Variants in TMEFF2 observed in about 807,000 individuals in gnomAD.
TMEFF2 encodes the protein tomoregulin-2.
TMEFF2 carries 28 observed loss-of-function variants against 53.8 expected under a neutral mutation model. The observed-to-expected ratio is 0.52, with a 90% CI of 0.39 to 0.71. TMEFF2 has a LOEUF of 0.71. TMEFF2 is among the 30% of genes least tolerant of loss of function. TMEFF2 has a pLI of 0.00. For synonymous variants in TMEFF2, 162 were observed against 166.3 expected, an observed-to-expected ratio of 0.97 and a Z score of 0.20; for missense variants, 353 against 455.2, an observed-to-expected ratio of 0.78 and a Z score of 2.04.
chr2:192,030,569 T>TA (rs1687105932), intron 5 of TMEFF2: 2 of 152,010 alleles, frequency 1.3e-5, no homozygotes, highest in South Asian at 4.2e-4. Context: ...CTTTTATTGT[T>TA]ATTTTGATTC....
At chr2:192,025,071 C>T (rs1686939304) in intron 5 of TMEFF2, among the ~76,000 whole-genome samples, 1 of 152,120 alleles carries the variant, frequency 6.6e-6, no homozygotes, top group Non-Finnish European at 1.5e-5. Flanking sequence ...CAGAAGTTTA[C>T]TCACTCAGGA....
At chr2:192,085,528 C>T (rs1252887861) in intron 4 of TMEFF2, among the ~76,000 whole-genome samples, 1 of 152,100 alleles carries the variant, frequency 6.6e-6, no homozygotes, top group African/African-American at 2.4e-5. Context: ...ATGATCCCAT[C>T]CCAGGCAGCC....
intron 5 of TMEFF2, among the ~76,000 whole-genome samples, chr2:192,041,737 A>C (rs564027965): frequency 2.6e-5 from 4 of 152,220 alleles, no homozygotes; most frequent in Non-Finnish European, 5.9e-5. Flanking sequence ...ATGAACAAAT[A>C]ACCCAAATAT....
intron 4 of TMEFF2, among the ~76,000 whole-genome samples, chr2:192,138,186 C>T (rs1458343562): frequency 6.6e-6 from 1 of 152,158 alleles, no homozygotes; most frequent in Admixed American, 6.5e-5. Context: ...ACAGTTACTA[C>T]AATGTGTTAG....
At chr2:191,964,260 C>CT (rs1559063131) in intron 7 of TMEFF2, among the ~76,000 whole-genome samples, 15 of 14,572 alleles carry the variant, frequency 1.0e-3, no homozygotes, top group Non-Finnish European at 6.1e-3. Context: ...TTCCTTCCTC[C>CT]TTTCTTTTCT....
At chr2:192,116,423 C>T (rs1167169371) in intron 4 of TMEFF2, among the ~76,000 whole-genome samples, 1 of 151,798 alleles carries the variant, frequency 6.6e-6, no homozygotes, top group Non-Finnish European at 1.5e-5. Context: ...CGTGAGTATA[C>T]TTAATAATAA....
At chr2:192,188,546 C>T (rs1691374075) in intron 2 of TMEFF2, among the ~76,000 whole-genome samples, 1 of 152,134 alleles carries the variant, frequency 6.6e-6, no homozygotes, top group South Asian at 2.1e-4. Flanking sequence ...GATTCATCAA[C>T]AAAATAAATA....
intron 4 of TMEFF2, among the ~76,000 whole-genome samples, chr2:192,134,265 A>C (rs898790788): frequency 6.6e-6 from 1 of 152,096 alleles, no homozygotes; most frequent in Non-Finnish European, 1.5e-5. Flanking sequence ...GGACTTCAAT[A>C]CAGCCTCCCA....
chr2:192,189,555 C>CAAAAA (rs58455898), intron 2 of TMEFF2, among the ~76,000 whole-genome samples: 9 of 41,102 alleles, frequency 2.2e-4, no homozygotes, highest in African/African-American at 6.7e-4. Flanking sequence ...CCAAAAATTC[C>CAAAAA]AAAAAAAAAA....
intron 4 of TMEFF2, among the ~76,000 whole-genome samples, chr2:192,150,411 C>T (rs1469538629): frequency 6.6e-5 from 10 of 151,912 alleles, no homozygotes; most frequent in Middle Eastern, 6.8e-3. Flanking sequence ...AAACATTCAC[C>T]GCTCAGCCCA....
intron 4 of TMEFF2, among the ~76,000 whole-genome samples, chr2:192,135,256 C>T (rs530047639): frequency 9.8e-5 from 15 of 152,306 alleles, no homozygotes; most frequent in South Asian, 2.1e-4. Flanking sequence ...TATCCCCAAA[C>T]GGCCACTCTT....
chr2:192,089,635 A>C (rs1688744623), intron 4 of TMEFF2, among the ~76,000 whole-genome samples: 1 of 152,044 alleles, frequency 6.6e-6, no homozygotes. Context: ...ACCATCCTAG[A>C]CTGAACCTGC....
intron 7 of TMEFF2, among the ~76,000 whole-genome samples, chr2:191,958,567 A>G (rs570938770): frequency 1.3e-5 from 2 of 152,332 alleles, no homozygotes; most frequent in African/African-American, 2.4e-5. Flanking sequence ...CACAATTATG[A>G]ACTGAAGTAT....
intron 4 of TMEFF2, among the ~76,000 whole-genome samples, chr2:192,166,377 C>T (rs1253048902): frequency 6.6e-6 from 1 of 151,972 alleles, no homozygotes; most frequent in East Asian, 1.9e-4. Context: ...ACATACTTCC[C>T]AAAATATACA....
At chr2:192,097,576 C>T (rs1688942880) in intron 4 of TMEFF2, among the ~76,000 whole-genome samples, 1 of 152,190 alleles carries the variant, frequency 6.6e-6, no homozygotes, top group South Asian at 2.1e-4. Flanking sequence ...CATTTTTAAT[C>T]TTAACAAAAT....
chr2:192,181,574 C>T (rs185061460), intron 3 of TMEFF2, among the ~76,000 whole-genome samples: 3 of 151,794 alleles, frequency 2.0e-5, no homozygotes, highest in South Asian at 4.2e-4. Context: ...AATATCTAAC[C>T]GATTGGGCTA....
chr2:192,141,977 T>C (rs1406073826), intron 4 of TMEFF2, among the ~76,000 whole-genome samples: 2 of 152,170 alleles, frequency 1.3e-5, no homozygotes, highest in Non-Finnish European at 2.9e-5. Flanking sequence ...TATCACATTA[T>C]GATAATATAT....
intron 4 of TMEFF2, among the ~76,000 whole-genome samples, chr2:192,099,309 GTTTA>G (rs1237909978): frequency 6.6e-6 from 1 of 152,118 alleles, no homozygotes; most frequent in Non-Finnish European, 1.5e-5. Context: ...TTGTTTGTGT[GTTTA>G]TTTGTTACTA....
chr2:191,999,972 T>C (rs570962692), intron 5 of TMEFF2, among the ~76,000 whole-genome samples: 25 of 152,004 alleles, frequency 1.6e-4, no homozygotes, highest in Non-Finnish European at 3.2e-4. Flanking sequence ...TGATTGCCAC[T>C]CATGATGTTA....
Sources: allele counts gnomAD v4.1 joint callset (sites outside exome capture counted in the v4.1 genomes callset), GRCh38; gene constraint gnomAD v4.1.1; transcripts MANE v1.5; gene names NCBI Gene and HGNC (gene_info 2026-07-23, HGNC 2026-07-21).